PGCKA1: variants seen among roughly 807,000 people sequenced by gnomAD.
PGCKA1 encodes the protein PDCD10 and GCKIII kinases associated 1.
the PGCKA1 span, among the ~76,000 whole-genome samples, chr4:37,580,807 G>T: frequency 6.6e-6 from 1 of 152,184 alleles, no homozygotes; most frequent in African/African-American, 2.4e-5. Context: ...ATCAACAGGT[G>T]CAAAGCCAGC....
At chr4:37,478,428 A>C in the PGCKA1 span, among the ~76,000 whole-genome samples, 2 of 152,026 alleles carry the variant, frequency 1.3e-5, no homozygotes, top group African/African-American at 4.8e-5. Context: ...TGAATATAGT[A>C]GCCTATTCTT....
At chr4:37,565,791 G>A in the PGCKA1 span, among the ~76,000 whole-genome samples, 1 of 152,172 alleles carries the variant, frequency 6.6e-6, no homozygotes, top group Non-Finnish European at 1.5e-5. Context: ...TTGGTCCTGG[G>A]TGTGTCTGTG....
chr4:37,587,908 G>A, the PGCKA1 span, among the ~76,000 whole-genome samples: 1 of 152,182 alleles, frequency 6.6e-6, no homozygotes, highest in African/African-American at 2.4e-5. Context: ...GGCAGAGGTT[G>A]CAGTGAGCCG....
chr4:37,509,476 C>T, the PGCKA1 span, among the ~76,000 whole-genome samples: 2 of 147,154 alleles, frequency 1.4e-5, no homozygotes, highest in South Asian at 2.2e-4. Context: ...ACTTCCTAGA[C>T]GGGATGGCAG....
At chr4:37,470,296 A>G in the PGCKA1 span, among the ~76,000 whole-genome samples, 1 of 152,360 alleles carries the variant, frequency 6.6e-6, no homozygotes, top group South Asian at 2.1e-4. Flanking sequence ...AGAAATTCCC[A>G]GTTGGAACTG....
chr4:37,541,012 A>G, the PGCKA1 span, among the ~76,000 whole-genome samples: 1 of 151,886 alleles, frequency 6.6e-6, no homozygotes, highest in Non-Finnish European at 1.5e-5. Flanking sequence ...TCTGTGGTGT[A>G]AACTCTGAAG....
At chr4:37,468,567 A>G in the PGCKA1 span, among the ~76,000 whole-genome samples, 1 of 152,232 alleles carries the variant, frequency 6.6e-6, no homozygotes, top group Non-Finnish European at 1.5e-5. Flanking sequence ...TCTGGTGTTC[A>G]TCGTCTAAAT....
chr4:37,479,696 T>A, the PGCKA1 span, among the ~76,000 whole-genome samples: 1 of 152,186 alleles, frequency 6.6e-6, no homozygotes, highest in African/African-American at 2.4e-5. Context: ...AGAAGACCTA[T>A]GAATTTGGAG....
the PGCKA1 span, among the ~76,000 whole-genome samples, chr4:37,562,699 A>G: frequency 6.6e-6 from 1 of 152,186 alleles, no homozygotes; most frequent in African/African-American, 2.4e-5. Flanking sequence ...TGTCCTATAT[A>G]GCATATTATA....
At chr4:37,571,355 C>CTTTTTTTT in the PGCKA1 span, among the ~76,000 whole-genome samples, 4 of 78,074 alleles carry the variant, frequency 5.1e-5, no homozygotes, top group Admixed American at 3.5e-4. Flanking sequence ...GACTATTATC[C>CTTTTTTTT]TTTTTTTTTT....
the PGCKA1 span, chr4:37,590,377 C>T: frequency 6.2e-7 from 1 of 1,613,900 alleles, no homozygotes; most frequent in Non-Finnish European, 8.5e-7. Flanking sequence ...TGCCACTCCA[C>T]AGCCCACTGG....
At chr4:37,585,874 G>A in the PGCKA1 span, among the ~76,000 whole-genome samples, 137 of 151,840 alleles carry the variant, frequency 9.0e-4, no homozygotes, top group African/African-American at 3.1e-3. Context: ...TTGTACTTGG[G>A]GTTTTCTATC....
chr4:37,584,725 A>G, the PGCKA1 span, among the ~76,000 whole-genome samples: 17 of 152,106 alleles, frequency 1.1e-4, no homozygotes, highest in African/African-American at 3.9e-4. Flanking sequence ...CCCAGGGTCA[A>G]TCTTGGTCAG....
chr4:37,555,543 A>T, the PGCKA1 span, among the ~76,000 whole-genome samples: 4 of 152,198 alleles, frequency 2.6e-5, no homozygotes, highest in African/African-American at 9.7e-5. Context: ...TCTTCTCTTC[A>T]GAAATGCTGC....
the PGCKA1 span, among the ~76,000 whole-genome samples, chr4:37,508,851 G>A: frequency 0.29 from 39,908 of 136,276 alleles, 5,456 homozygotes; most frequent in South Asian, 0.37. Context: ...TGTGTCCCTG[G>A]GTACTTGAGA....
At chr4:37,554,066 G>A in the PGCKA1 span, among the ~76,000 whole-genome samples, 2 of 152,158 alleles carry the variant, frequency 1.3e-5, no homozygotes, top group Non-Finnish European at 2.9e-5. Context: ...GAATCATGGG[G>A]GTGGGTTTTT....
At chr4:37,516,776 A>C in the PGCKA1 span, among the ~76,000 whole-genome samples, 1 of 152,250 alleles carries the variant, frequency 6.6e-6, no homozygotes, top group Non-Finnish European at 1.5e-5. Context: ...TGATATACTT[A>C]ACAGATCATT....
At chr4:37,569,745 CA>C in the PGCKA1 span, among the ~76,000 whole-genome samples, 46 of 152,188 alleles carry the variant, frequency 3.0e-4, no homozygotes, top group Admixed American at 7.2e-4. Context: ...CAGAGTGAAA[CA>C]GTTCCTTCTC....
chr4:37,522,265 T>C, the PGCKA1 span, among the ~76,000 whole-genome samples: 1 of 152,194 alleles, frequency 6.6e-6, no homozygotes, highest in Non-Finnish European at 1.5e-5. Context: ...TCTATTGTAC[T>C]GTGGCTGAGG....
Sources: gnomAD v4.1 joint callset for allele counts (sites outside exome capture counted in the v4.1 genomes callset) on GRCh38, gnomAD v4.1.1 for gene constraint, MANE v1.5 for transcripts, NCBI Gene and HGNC (gene_info 2026-07-23, HGNC 2026-07-21) for gene names.